The following PCDHGA2 variants were observed in gnomAD, a reference collection of about 807,000 sequenced individuals.
The protein encoded by PCDHGA2 is protocadherin gamma-A2.
Under a neutral mutation model 59.2 loss-of-function variants are expected in PCDHGA2, and 40 were observed. The ratio of observed to expected loss-of-function variants is 0.68; its 90% CI spans 0.52 to 0.88. The LOEUF is 0.88. PCDHGA2 is among the 40% of genes least tolerant of loss of function. The probability of loss-of-function intolerance (pLI) is 0.00; values close to 1 mark genes in which losing one functional copy is unlikely to be tolerated. For synonymous variants in PCDHGA2, 560 were observed against 526.0 expected (o/e 1.06, Z -0.89); for missense variants, 1,226 against 1,204.0 (o/e 1.02, Z -0.27).
In PCDHGA2 at chr5:141,341,336, G is replaced by A. The variant is rs1331152315; in HGVS notation, c.2365G>A (p.Asp789Asn). 4 of 1,614,126 alleles carry A rather than the reference G, an allele frequency of 2.5e-6. No homozygotes were observed. The highest frequency in any genetic ancestry group is 1.3e-5 in the African/African-American group (1 of 74,932). ...LISQESCEKK[D>N]FLSAPQSLLE... Reference sequence around the variant, plus strand: ...CAGCCAGGAGAGCTGTGAGAAAAAGGATTTTTTATCAGCGCCTCAATCTCT... The same window carrying A: ...CAGCCAGGAGAGCTGTGAGAAAAAGAATTTTTTATCAGCGCCTCAATCTCT... Residue 789 changes from aspartate (D) to asparagine (N), a missense_variant, in exon 1 of 4, where the codon GAT becomes AAT. Physicochemically the swap from Asp to Asn is conservative, Grantham distance 23. Transcript: ENST00000394576.
chr5:141,419,165 A>G, intron 1 of PCDHGA2: 1 of 1,613,978 alleles, frequency 6.2e-7, no homozygotes, highest in Non-Finnish European at 8.5e-7. Flanking sequence ...ATCCTCCAGC[A>G]AAACCATAAC....
intron 1 of PCDHGA2, chr5:141,344,037 A>G: frequency 6.5e-7 from 1 of 1,548,442 alleles, no homozygotes; most frequent in Non-Finnish European, 8.7e-7. Flanking sequence ...AAAGGAAATG[A>G]CCAATTGCCT....
At chr5:141,375,595 C>T (rs1444867378) in intron 1 of PCDHGA2, 13 of 1,614,066 alleles carry the variant, frequency 8.1e-6, no homozygotes, top group African/African-American at 1.3e-5. Flanking sequence ...TGTCCTCCTA[C>T]GTGTCCATCA....
At chr5:141,394,455 C>T in intron 1 of PCDHGA2, 1 of 1,614,268 alleles carries the variant, frequency 6.2e-7, no homozygotes, top group Non-Finnish European at 8.5e-7. Flanking sequence ...CAACATGTCA[C>T]TGAGCCTGTT....
intron 1 of PCDHGA2, chr5:141,411,549 A>G (rs1169343676): frequency 6.6e-6 from 1 of 152,210 alleles, no homozygotes; most frequent in African/African-American, 2.4e-5. Flanking sequence ...TTGCCACTGC[A>G]CTCCAGCCTG....
In PCDHGA2 at chr5:141,486,890, G is replaced by T; in HGVS notation, c.2425-7917G>T. On this transcript the variant is annotated intron_variant, in intron 1 of 3. Coordinates refer to ENST00000394576, the MANE Select transcript of PCDHGA2 (RefSeq NM_018915.4). The surrounding 1 kb of genome is among the most constrained non-coding windows in gnomAD (Gnocchi z 5.0). ...TGTGCTCCGTCCTCGGGCCCGGCCT[G>T]GTTCCTTATGTCCCCAAGCACTGCC... 6.2e-7 allele frequency: 1 copy of T among 1,614,242 alleles called. No individual in the cohort carries two copies. The highest frequency in any genetic ancestry group is 8.5e-7 in the Non-Finnish European group (1 of 1,180,048).
rs775204388 is a variant in PCDHGA2, at chr5:141,490,235, G to T, written c.2425-4572G>T. On this transcript the variant is annotated intron_variant, in intron 1 of 3. Transcript: ENST00000394576. This position sits in a 1 kb window ranked among gnomAD's most constrained non-coding sequence, Gnocchi z 5.4. ...GACCAGGGACAGCCTGCCATGGAGG[G>T]CCACTGTGTGATTCAAGTGGATGTG... 1 of 1,614,228 alleles carries T rather than the reference G, an allele frequency of 6.2e-7. No homozygotes were observed. The highest frequency in any genetic ancestry group is 1.1e-5 in the South Asian group (1 of 91,084).
chr5:141,437,165 T>A (rs62379162), intron 1 of PCDHGA2, among the ~76,000 whole-genome samples: 3,747 of 152,330 alleles, frequency 0.025, 69 homozygotes, highest in Middle Eastern at 0.085. Context: ...TGTTGATTGT[T>A]TTCTGAGACT....
At chr5:141,370,947 AAC>A in intron 1 of PCDHGA2, 5 of 1,613,958 alleles carry the variant, frequency 3.1e-6, no homozygotes, top group Non-Finnish European at 4.2e-6. Context: ...TCAGAAGGAG[AAC>A]CTGGATGGCA....
chr5:141,384,822 C>T (rs149266522), intron 1 of PCDHGA2: 80 of 1,613,436 alleles, frequency 5.0e-5, no homozygotes, highest in Admixed American at 3.2e-4. Flanking sequence ...TCAAGCAGAG[C>T]CTCGTGGTGG....
Position 141,345,007 on chromosome 5 carries a change from C to A in PCDHGA2, c.2424+3612C>A. The stretch of plus-strand genomic sequence containing the variant: ...ATTAAAATTGAAGCACAGGATGGAC[C>A]AGGTCTTCTTTCAAGAGCCAAGATT... On this transcript the variant is annotated intron_variant, in intron 1 of 3. Coordinates refer to ENST00000394576, the MANE Select transcript of PCDHGA2 (RefSeq NM_018915.4). 1.2e-6 allele frequency: 2 copies of A among 1,613,806 alleles called. 1 individual carries two copies.
At chr5:141,345,370 A>G (rs760607119) in intron 1 of PCDHGA2, 47 of 1,613,982 alleles carry the variant, frequency 2.9e-5, no homozygotes, top group Middle Eastern at 1.6e-4. Context: ...ATTGACATCA[A>G]TGACAACCCA....
intron 1 of PCDHGA2, chr5:141,366,644 C>T (rs759831298): frequency 1.2e-6 from 2 of 1,614,268 alleles, no homozygotes; most frequent in East Asian, 2.2e-5. Flanking sequence ...GATCTTTCCC[C>T]AGCCCAACTA....
rs748176272 is a variant in PCDHGA2, at chr5:141,371,620, C to A, written c.2424+30225C>A. On this transcript the variant is annotated intron_variant, in intron 1 of 3. Coordinates refer to ENST00000394576, the MANE Select transcript of PCDHGA2 (RefSeq NM_018915.4). ...ACATACAGGTTGGTGACAGATGGAG[C>A]CCTGGACCGGGAGCAGATCCCAGAA... The A allele has an allele frequency of 2.5e-6, 4 of 1,613,874 alleles. No homozygotes were observed. The African/African-American group carries it at 4.0e-5, about 16-fold the overall frequency.
Position 141,355,384 on chromosome 5 carries a change from C to G in PCDHGA2, c.2424+13989C>G, listed in dbSNP as rs570057542. On this transcript the variant is annotated intron_variant, in intron 1 of 3. Transcript: ENST00000394576. ...GTTGGCGCCCCGGGAGCTGGCGGAG[C>G]GCGGAGTCCGCATCGTCTCCAGAGG... 25 of 1,614,008 alleles carry G rather than the reference C, an allele frequency of 1.5e-5. No individual in the cohort carries two copies. In the African/African-American group the frequency reaches 3.2e-4, roughly 21 times the overall value.
chr5:141,418,396 A>G lies in PCDHGA2; in HGVS notation c.2425-76411A>G, dbSNP rs139206858. 4.9e-3 allele frequency: 7,975 copies of G among 1,613,844 alleles called. 44 individuals are homozygous for G. The highest frequency in any genetic ancestry group is 9.4e-3 in the Admixed American group (567 of 60,030). On this transcript the variant is annotated intron_variant, in intron 1 of 3. Coordinates refer to ENST00000394576, the MANE Select transcript of PCDHGA2 (RefSeq NM_018915.4). Reference sequence around the variant, plus strand: ...AACTAAGTCCTAACGAGTATTTCTCATTGGTGGAGAAAGACAATCCTGATG... The same window carrying G: ...AACTAAGTCCTAACGAGTATTTCTCGTTGGTGGAGAAAGACAATCCTGATG...
intron 1 of PCDHGA2, among the ~76,000 whole-genome samples, chr5:141,348,109 T>C (rs1451783142): frequency 2.0e-5 from 3 of 152,242 alleles, no homozygotes; most frequent in Admixed American, 6.5e-5. Flanking sequence ...ATTCTGCAAT[T>C]TATGAAATTA....
At position 141,339,213 on chromosome 5, in the gene PCDHGA2, G is replaced by A. The variant is rs767555728; in HGVS notation, c.242G>A (p.Ser81Asn). The A allele has an allele frequency of 9.3e-6, 15 of 1,614,026 alleles. No homozygotes were observed. Among genetic ancestry groups the A allele is most frequent in the Non-Finnish European group, 1.2e-5 (14 of 1,179,976 alleles). Reference protein sequence around the residue: ...RSQLFALNPRSGSLVTANRID... With the variant: ...RSQLFALNPRNGSLVTANRID... ...CAGCTCTTTGCTCTGAACCCGCGAA[G>A]CGGCAGCTTGGTCACTGCGAACAGG... The change falls in exon 1 of 4, where the codon AGC becomes AAC. Residue 81 changes from serine (S) to asparagine (N), a missense_variant. Coordinates refer to ENST00000394576, the MANE Select transcript of PCDHGA2 (RefSeq NM_018915.4).
rs537850909 is a variant in PCDHGA2 at position 141,441,865 on chromosome 5, G to A, written c.2425-52942G>A. ...CTTGGATATGGTGCTGCACGCCGCG[G>A]AGCCTGGCTACCTGGTCACCAAGGT... On this transcript the variant is annotated intron_variant, in intron 1 of 3. Coordinates refer to ENST00000394576, the MANE Select transcript of PCDHGA2 (RefSeq NM_018915.4). The A allele has an allele frequency of 4.0e-4, 138 of 345,718 alleles. 1 individual carries two copies. The Admixed American group carries it at 4.6e-3, about 12-fold the overall frequency. The allele number at this position is 345,718 out of a possible 1,614,324, so 21.4% of individuals were successfully genotyped here. A position where few individuals can be genotyped will look rare whatever the true frequency, so the allele number is the denominator to read the frequency against.
Sources: gnomAD v4.1 joint callset for allele counts (sites outside exome capture counted in the v4.1 genomes callset) on GRCh38, gnomAD v4.1.1 for gene constraint, Gnocchi (gnomAD v3.1) non-coding constraint, MANE v1.5 for transcripts, NCBI Gene and HGNC (gene_info 2026-07-23, HGNC 2026-07-21) for gene names.